Variants in SPTAN1 observed in about 807,000 individuals in gnomAD.
SPTAN1 encodes the protein spectrin alpha chain, non-erythrocytic 1.
In SPTAN1, 61 loss-of-function variants were observed where a neutral mutation model predicts 331.3. The ratio of observed to expected loss-of-function variants is 0.18; its 90% confidence interval spans 0.15 to 0.23. SPTAN1 has a LOEUF of 0.23. SPTAN1 is among the 10% of genes least tolerant of loss of function. SPTAN1 has a pLI of 1.00. For missense variants in SPTAN1, 2,043 were observed against 3,147.9 expected (o/e 0.65, Z 8.40); for synonymous variants, 1,153 against 1,173.9 (o/e 0.98, Z 0.36).
At chr9:128,605,812 C>T (rs10988057) in intron 31 of SPTAN1, among the ~76,000 whole-genome samples, 7 of 151,626 alleles carry the variant, frequency 4.6e-5, no homozygotes, top group African/African-American at 9.7e-5. Context: ...GCCAACATGG[C>T]GAAATGCCGT....
chr9:128,625,015 A>C lies in SPTAN1; in HGVS notation c.5993-88A>C, dbSNP rs1858520652. On this transcript the variant is annotated intron_variant, in intron 46 of 56. Transcript: ENST00000372739. The surrounding 1 kb of genome is among the most constrained non-coding windows in gnomAD (Gnocchi z 4.1). ...AAGATTGGGATTTATCTGTACACAAAAAATGGTTTGTCTGGGTTTTGATGT... is the reference window on the plus strand; with the variant it reads ...AAGATTGGGATTTATCTGTACACAACAAATGGTTTGTCTGGGTTTTGATGT... 7.7e-7 allele frequency: 1 copy of C among 1,296,442 alleles called. No individual in the cohort carries two copies. The highest frequency in any genetic ancestry group is 1.2e-5 in the South Asian group (1 of 84,188). The allele number at this position is 1,296,442 out of a possible 1,614,324, so 80.3% of individuals were successfully genotyped here.
Position 128,555,076 on chromosome 9 carries a change from G to A in SPTAN1, c.-4+2380G>A, listed in dbSNP as rs73669920. 5.5e-3 allele frequency among the ~76,000 whole-genome samples: 836 copies of A among 152,236 alleles called. 9 individuals are homozygous for A. Among genetic ancestry groups the A allele is most frequent in the African/African-American group, 0.019 (798 of 41,538 alleles). ...CGGTATTATTACTTTAACAAGTGGG[G>A]AAATTGAGGCCCCAAGGAGAATGAG... On this transcript the variant is annotated intron_variant, in intron 1 of 56. Coordinates refer to ENST00000372739, the MANE Select transcript of SPTAN1 (RefSeq NM_001130438.3).
chr9:128,609,382 A>G, intron 36 of SPTAN1, 98 bp downstream of exon 36: 3 of 1,551,066 alleles, frequency 1.9e-6, no homozygotes, highest in Non-Finnish European at 1.8e-6. Flanking sequence ...CCTTGCACCC[A>G]TGGGAAGTCA....
At chr9:128,604,221 T>C (rs1305452901) in intron 28 of SPTAN1, 105 bp from the exon 29 acceptor site, 6 of 1,145,648 alleles carry the variant, frequency 5.2e-6, no homozygotes, top group Non-Finnish European at 7.8e-6. Context: ...CAGGAAATTA[T>C]ATATGCCCTA....
chr9:128,628,571 G>T (rs963619658), intron 51 of SPTAN1: 1 of 205,426 alleles, frequency 4.9e-6, no homozygotes, highest in Non-Finnish European at 1.0e-5. Context: ...GCCCAGTCCC[G>T]GCAGGGACTT....
chr9:128,624,585 A>G (rs1008607015), intron 46 of SPTAN1, 98 bp downstream of exon 46: 4 of 1,448,668 alleles, frequency 2.8e-6, no homozygotes, highest in African/African-American at 2.8e-5. Context: ...AAACTGATCA[A>G]TTGTGGGCAT....
In SPTAN1 at chr9:128,629,003, C is replaced by T. The variant is rs1038899511; in HGVS notation, c.6707+1061C>T. On this transcript the variant is annotated intron_variant, in intron 51 of 56. Transcript: ENST00000372739. This position sits in a 1 kb window ranked among gnomAD's most constrained non-coding sequence, Gnocchi z 4.9. ...ACTGGGCCTGCTGCCTCCAGGTACCCGCCGGGCACCAGGTTGCCCTTGCCT... is the reference window on the plus strand; with the variant it reads ...ACTGGGCCTGCTGCCTCCAGGTACCTGCCGGGCACCAGGTTGCCCTTGCCT... 1.0e-5 allele frequency: 4 copies of T among 395,350 alleles called. No individual in the cohort carries two copies. Among genetic ancestry groups the T allele is most frequent in the Non-Finnish European group, 1.8e-5 (4 of 224,488 alleles). The allele number at this position is 395,350 out of a possible 1,614,324, so 24.5% of individuals were successfully genotyped here. A position where few individuals can be genotyped will look rare whatever the true frequency, so the allele number is the denominator to read the frequency against.
rs551719041 is a variant in SPTAN1, at chr9:128,577,041, G to A, written c.785+85G>A. The A allele has an allele frequency of 1.6e-4, 261 of 1,613,740 alleles. No homozygotes were observed. Among genetic ancestry groups the A allele is most frequent in the Non-Finnish European group, 2.1e-4 (246 of 1,179,976 alleles). Reference sequence around the variant, plus strand: ...ACAGGGCATGTGCTGGTGAGCTGTCGAGGCTGACTAGGCCTTGGTCCCATG... The same window carrying A: ...ACAGGGCATGTGCTGGTGAGCTGTCAAGGCTGACTAGGCCTTGGTCCCATG... On this transcript the variant is annotated intron_variant, in intron 6 of 56. Coordinates refer to ENST00000372739, the MANE Select transcript of SPTAN1 (RefSeq NM_001130438.3). This position sits in a 1 kb window ranked among gnomAD's most constrained non-coding sequence, Gnocchi z 4.2.
At chr9:128,582,066 T>C (rs537438113) in intron 12 of SPTAN1, 174 bp downstream of exon 12, 13 of 641,642 alleles carry the variant, frequency 2.0e-5, no homozygotes, top group Non-Finnish European at 3.0e-5. Flanking sequence ...AATACAACTT[T>C]ATGGAAAAAT....
intron 19 of SPTAN1, 147 bp downstream of exon 19, chr9:128,586,112 G>GTTTTTTTTTTTTTTTTTTT (rs35434571): frequency 4.8e-6 from 1 of 206,702 alleles, no homozygotes; most frequent in African/African-American, 5.5e-5. Flanking sequence ...TTTTCACTTG[G>GTTTTTTTTTTTTTTTTTTT]TTTTTTTTTT....
rs915019884 is a variant in SPTAN1, at chr9:128,598,509, G to T, written c.3519+5G>T. The T allele has an allele frequency of 9.4e-6, 15 of 1,597,116 alleles. No homozygotes were observed. The highest frequency in any genetic ancestry group is 1.3e-5 in the Non-Finnish European group (15 of 1,169,354). On this transcript the variant is annotated splice_donor_5th_base_variant and intron_variant, in intron 25 of 56. Coordinates refer to ENST00000372739, the MANE Select transcript of SPTAN1 (RefSeq NM_001130438.3). The stretch of plus-strand genomic sequence containing the variant: ...GTGCAGGCTGTGCAACAACAGGTAG[G>T]TGTCTCCATCTTGGAGTGAGGCTCT...
At chr9:128,563,022 A>ATATATATG (rs2132858031) in intron 1 of SPTAN1, among the ~76,000 whole-genome samples, 1 of 135,042 alleles carries the variant, frequency 7.4e-6, no homozygotes, top group African/African-American at 2.9e-5. Flanking sequence ...ATATATATAT[A>ATATATATG]TATATGTATA....
intron 1 of SPTAN1, among the ~76,000 whole-genome samples, chr9:128,565,741 C>G (rs187974678): frequency 2.0e-5 from 3 of 152,178 alleles, no homozygotes; most frequent in Non-Finnish European, 4.4e-5. Context: ...GAAAGAACTC[C>G]CAGATGTTTC....
At chr9:128,616,082 C>T (rs568678002) in intron 41 of SPTAN1, among the ~76,000 whole-genome samples, 14 of 152,194 alleles carry the variant, frequency 9.2e-5, no homozygotes, top group South Asian at 8.3e-4. Context: ...TTTAGATTCC[C>T]GTGAAAGTTA....
At chr9:128,613,100 T>C (rs1390586267) in intron 39 of SPTAN1, among the ~76,000 whole-genome samples, 1 of 152,178 alleles carries the variant, frequency 6.6e-6, no homozygotes, top group African/African-American at 2.4e-5. Flanking sequence ...GATTCTTTCC[T>C]AGGGGGGTTT....
chr9:128,591,187 G>T (rs530213914), intron 21 of SPTAN1, among the ~76,000 whole-genome samples: 71 of 151,892 alleles, frequency 4.7e-4, no homozygotes, highest in African/African-American at 1.5e-3. Flanking sequence ...TCAGCCTCCC[G>T]AGTAGCTGGG....
In SPTAN1 at chr9:128,591,810, T is replaced by C. The variant is rs367979122; in HGVS notation, c.3155+185T>C. On this transcript the variant is annotated intron_variant, in intron 22 of 56. Transcript: ENST00000372739. ...TCTCAGACCCCTGACTGATGACTTA[T>C]ATTGCTTTGTTTTTTTTCCACCAGT... Among the ~76,000 whole-genome samples the C allele has an allele frequency of 2.6e-4, 40 of 152,268 alleles. No homozygotes were observed. The East Asian group carries it at 6.4e-3, about 24-fold the overall frequency.
chr9:128,632,221 A>G lies in SPTAN1; in HGVS notation c.6857A>G (p.Lys2286Arg). The G allele has an allele frequency of 1.2e-6, 2 of 1,613,486 alleles. No individual in the cohort carries two copies. Among genetic ancestry groups the G allele is most frequent in the Non-Finnish European group, 8.5e-7 (1 of 1,180,016 alleles). Reference protein sequence around the residue: ...AMEEALILDNKYTEHSTVGLA... With the variant: ...AMEEALILDNRYTEHSTVGLA... ...GAGGAGGCCCTCATCCTGGACAACA[A>G]GTACACGGAGCACAGCACCGTGGGC... is the stretch of plus-strand genomic sequence containing the variant. The change falls in exon 53 of 57, where the codon AAG becomes AGG. Residue 2286 changes from lysine (K) to arginine (R), a missense_variant. Physicochemically the swap from Lys to Arg is conservative, Grantham distance 26. This residue lies in a region of SPTAN1 where 256 missense variants were observed against 376.4 expected (regional missense o/e 0.68). Coordinates refer to ENST00000372739, the MANE Select transcript of SPTAN1 (RefSeq NM_001130438.3).
chr9:128,589,082 C>T, intron 21 of SPTAN1, 139 bp downstream of exon 21: 3 of 1,224,180 alleles, frequency 2.5e-6, no homozygotes, highest in Non-Finnish European at 3.5e-6. Flanking sequence ...ACCAATCCCC[C>T]ACGTGACATA....
Sources: allele counts gnomAD v4.1 joint callset (sites outside exome capture counted in the v4.1 genomes callset), GRCh38; gene constraint gnomAD v4.1.1; regional missense constraint gnomAD v4.1.1; non-coding constraint Gnocchi (gnomAD v3.1); transcripts MANE v1.5; gene names NCBI Gene and HGNC (gene_info 2026-07-23, HGNC 2026-07-21).